Variants in SNX27 observed in about 807,000 individuals in gnomAD.
SNX27 encodes the protein sorting nexin-27.
A neutral mutation model predicts 71.6 loss-of-function variants in SNX27; 22 were observed. That is an observed-to-expected ratio of 0.31 (90% CI 0.22 to 0.44). The LOEUF (loss-of-function observed/expected upper bound fraction) is 0.44. Among genes scored for constraint, SNX27 ranks in the 20% least tolerant of loss-of-function variants. The pLI, the probability that SNX27 is intolerant of heterozygous loss-of-function variation, is 1.00. For missense variants in SNX27, 531 were observed against 698.6 expected, an observed-to-expected ratio of 0.76 and a Z score of 2.70; for synonymous variants, 269 against 277.2, an observed-to-expected ratio of 0.97 and a Z score of 0.29.
chr1:151,634,886 A>G (rs1406410552), intron 1 of SNX27, among the ~76,000 whole-genome samples: 1 of 152,080 alleles, frequency 6.6e-6, no homozygotes, highest in Non-Finnish European at 1.5e-5. Context: ...GACATTTTTG[A>G]TGATGTATTT....
chr1:151,696,498 TTTCTTTCGTTCTTTCGTTCTTTCG>T lies in SNX27; in HGVS notation c.*2089_*2112del, dbSNP rs771754229. ...CTTTCTTTCTTTCTTTCTTTCTTTCTTTCTTTCGTTCTTTCGTTCTTTCGTTCTTTCTTTCTTTCTTTCTTTCTC... is the reference window on the plus strand; with the variant it reads ...CTTTCTTTCTTTCTTTCTTTCTTTCTTTCTTTCTTTCTTTCTTTCTTTCTC... On this transcript the variant is annotated 3_prime_UTR_variant, in exon 12 of 12. Transcript: ENST00000458013. The T allele has an allele frequency of 9.4e-6, 1 of 106,500 alleles. No individual in the cohort carries two copies. The highest frequency in any genetic ancestry group is 3.5e-5 in the African/African-American group (1 of 28,466). 6.6% of individuals were successfully genotyped at this position (106,500 alleles called of 1,614,324 possible). A position where few individuals can be genotyped will look rare whatever the true frequency, so the allele number is the denominator to read the frequency against.
chr1:151,692,647 G>T, intron 9 of SNX27, 63 bp downstream of exon 9: 1 of 1,571,174 alleles, frequency 6.4e-7, no homozygotes. Context: ...TCACTTGCTT[G>T]TGACGTTTTA....
chr1:151,665,290 G>A (rs558247674), intron 5 of SNX27, among the ~76,000 whole-genome samples: 1 of 152,238 alleles, frequency 6.6e-6, no homozygotes, highest in South Asian at 2.1e-4. Context: ...GAGAGAATGA[G>A]TGATTCTTGT....
At chr1:151,672,429 A>T (rs2102702080) in intron 7 of SNX27, among the ~76,000 whole-genome samples, 1 of 152,286 alleles carries the variant, frequency 6.6e-6, no homozygotes, top group South Asian at 2.1e-4. Context: ...ATTAATATTC[A>T]TCAGGGATAT....
chr1:151,642,903 G>A (rs1024576019), intron 2 of SNX27, among the ~76,000 whole-genome samples: 1 of 152,052 alleles, frequency 6.6e-6, no homozygotes, highest in African/African-American at 2.4e-5. Flanking sequence ...GCCTCCCAAA[G>A]TGCTGGGACT....
intron 7 of SNX27, among the ~76,000 whole-genome samples, chr1:151,675,142 A>G (rs1670623667): frequency 6.6e-6 from 1 of 151,906 alleles, no homozygotes; most frequent in Non-Finnish European, 1.5e-5. Flanking sequence ...ACTACTAGGT[A>G]GGGAATCCAT....
intron 1 of SNX27, among the ~76,000 whole-genome samples, chr1:151,629,900 T>G (rs1668137375): frequency 6.7e-6 from 1 of 149,004 alleles, no homozygotes; most frequent in Non-Finnish European, 1.5e-5. Flanking sequence ...TATATATATA[T>G]TTTTTTGTGA....
chr1:151,615,437 T>C (rs182056295), intron 1 of SNX27, among the ~76,000 whole-genome samples: 1 of 152,200 alleles, frequency 6.6e-6, no homozygotes, highest in East Asian at 1.9e-4. Flanking sequence ...AGCAACCAAA[T>C]AGATGTGGTT....
At chr1:151,651,763 G>A (rs938583209) in intron 2 of SNX27, among the ~76,000 whole-genome samples, 17 of 151,670 alleles carry the variant, frequency 1.1e-4, no homozygotes, top group Admixed American at 8.5e-4. Flanking sequence ...GATGATGGGC[G>A]GCCAGGCAGA....
intron 2 of SNX27, among the ~76,000 whole-genome samples, chr1:151,649,267 T>A (rs1034568387): frequency 1.3e-5 from 2 of 152,102 alleles, no homozygotes; most frequent in South Asian, 2.1e-4. Flanking sequence ...GCCGATTTTT[T>A]AAATTTTTAT....
At chr1:151,615,859 G>A in intron 1 of SNX27, 1 of 976,206 alleles carries the variant, frequency 1.0e-6, no homozygotes, top group Non-Finnish European at 1.2e-6. Flanking sequence ...TTGGACACAA[G>A]TAAGAGCTTC....
intron 11 of SNX27, chr1:151,693,890 T>G (rs1267019560): frequency 7.2e-7 from 1 of 1,391,276 alleles, no homozygotes; most frequent in African/African-American, 1.4e-5. Context: ...AATGTTTGTG[T>G]GAGGGAAGGT....
chr1:151,615,390 C>T (rs934575099), intron 1 of SNX27, among the ~76,000 whole-genome samples: 7 of 151,660 alleles, frequency 4.6e-5, no homozygotes, highest in South Asian at 2.1e-4. Flanking sequence ...CGATAGTCTG[C>T]GCCTTCTCTT....
intron 1 of SNX27, among the ~76,000 whole-genome samples, chr1:151,619,753 T>G (rs183753579): frequency 6.0e-4 from 92 of 152,310 alleles, no homozygotes; most frequent in African/African-American, 2.2e-3. Context: ...TTTCCTGATA[T>G]TGGCATGCTA....
In SNX27 at chr1:151,697,844, C is replaced by A. The variant is rs1313506039; in HGVS notation, c.*3427C>A. ...CCCAGCTTCATCCCAGCAGAACCAG[C>A]AGGATCCTCCTGGTCTCTCACTGGC... On this transcript the variant is annotated 3_prime_UTR_variant, in exon 12 of 12. Coordinates refer to ENST00000458013, the MANE Select transcript of SNX27 (RefSeq NM_001330723.2). The A allele has an allele frequency of 6.6e-6, 1 of 152,638 alleles. No homozygotes were observed. Among genetic ancestry groups the A allele is most frequent in the Non-Finnish European group, 1.5e-5 (1 of 68,068 alleles). 9.5% of individuals were successfully genotyped at this position (152,638 alleles called of 1,614,324 possible).
chr1:151,626,286 C>G (rs1457691727), intron 1 of SNX27, among the ~76,000 whole-genome samples: 1 of 149,858 alleles, frequency 6.7e-6, no homozygotes, highest in Non-Finnish European at 1.5e-5. Context: ...TTGTTTTTCC[C>G]TACATTTGCC....
At chr1:151,639,260 A>G (rs1246210634) in intron 2 of SNX27, 141 bp downstream of exon 2, 1 of 664,586 alleles carries the variant, frequency 1.5e-6, no homozygotes, top group Non-Finnish European at 2.5e-6. Context: ...ACACATAAAT[A>G]AAAGACACTG....
chr1:151,689,843 AT>A (rs1376972914), intron 8 of SNX27, among the ~76,000 whole-genome samples: 1 of 143,910 alleles, frequency 6.9e-6, no homozygotes, highest in African/African-American at 2.6e-5. Flanking sequence ...TATTGTATCT[AT>A]ATATACTTTT....
chr1:151,643,536 G>T (rs1025191700), intron 2 of SNX27, among the ~76,000 whole-genome samples: 13 of 151,068 alleles, frequency 8.6e-5, no homozygotes, highest in Admixed American at 8.6e-4. Flanking sequence ...CTCATGATCC[G>T]CCTGCCTCGG....
Sources: allele counts gnomAD v4.1 joint callset (sites outside exome capture counted in the v4.1 genomes callset), GRCh38; gene constraint gnomAD v4.1.1; transcripts MANE v1.5; gene names NCBI Gene and HGNC (gene_info 2026-07-23, HGNC 2026-07-21).